Variants in MAPK10 observed in about 807,000 individuals in gnomAD.
The protein encoded by MAPK10 is mitogen-activated protein kinase 10.
MAPK10 carries 25 observed loss-of-function variants against 59.3 expected under a neutral mutation model. The ratio of observed to expected loss-of-function variants is 0.42; its 90% CI spans 0.31 to 0.59. The LOEUF is 0.59. Among genes scored for constraint, MAPK10 ranks in the 20% least tolerant of loss-of-function variants. The pLI, the probability that MAPK10 is intolerant of heterozygous loss-of-function variation, is 0.15. For synonymous variants in MAPK10, 190 were observed against 200.5 expected (o/e 0.95, Z 0.44); for missense variants, 351 against 568.9 (o/e 0.62, Z 3.90).
chr4:86,036,233 C>T (rs2040259699), intron 11 of MAPK10, among the ~76,000 whole-genome samples: 1 of 152,066 alleles, frequency 6.6e-6, no homozygotes, highest in African/African-American at 2.4e-5. Context: ...CTTTAAATTG[C>T]TATCACCCCC....
chr4:86,285,222 A>AT (rs2094954365), intron 2 of MAPK10, among the ~76,000 whole-genome samples: 1 of 149,788 alleles, frequency 6.7e-6, no homozygotes, highest in African/African-American at 2.5e-5. Context: ...TCTAAATGAC[A>AT]CTTTTTTTTT....
chr4:86,329,483 CATTGT>C (rs1273570064), intron 2 of MAPK10, among the ~76,000 whole-genome samples: 7 of 152,130 alleles, frequency 4.6e-5, no homozygotes, highest in Admixed American at 3.9e-4. Context: ...ATGCAGCCAT[CATTGT>C]ATTGTAAGAA....
chr4:86,052,633 AG>A (rs2043787351), intron 11 of MAPK10, among the ~76,000 whole-genome samples: 1 of 152,096 alleles, frequency 6.6e-6, no homozygotes, highest in Non-Finnish European at 1.5e-5. Flanking sequence ...CAGCATTCAT[AG>A]GGGTGCTATA....
At chr4:86,198,954 A>T (rs1174587774) in intron 2 of MAPK10, among the ~76,000 whole-genome samples, 1 of 151,976 alleles carries the variant, frequency 6.6e-6, no homozygotes, top group Non-Finnish European at 1.5e-5. Flanking sequence ...AGCACTCACA[A>T]ATATATGCGT....
intron 2 of MAPK10, among the ~76,000 whole-genome samples, chr4:86,353,748 T>C (rs1169799676): frequency 6.6e-6 from 1 of 152,170 alleles, no homozygotes; most frequent in Non-Finnish European, 1.5e-5. Flanking sequence ...GAAAGAAAGA[T>C]ATTGATCACT....
chr4:86,554,171 G>A (rs1760081954), intron 1 of MAPK10, among the ~76,000 whole-genome samples: 1 of 152,090 alleles, frequency 6.6e-6, no homozygotes, highest in South Asian at 2.1e-4. Context: ...TCAAAATGAG[G>A]CATGGGTTGA....
At chr4:86,079,249 T>C (rs1480896032) in intron 9 of MAPK10, among the ~76,000 whole-genome samples, 2 of 152,180 alleles carry the variant, frequency 1.3e-5, no homozygotes, top group Non-Finnish European at 2.9e-5. Context: ...ACATTGCTAG[T>C]GTTATAATAA....
chr4:86,401,402 C>T (rs972451259), intron 1 of MAPK10, among the ~76,000 whole-genome samples: 4 of 152,104 alleles, frequency 2.6e-5, no homozygotes, highest in Admixed American at 6.5e-5. Flanking sequence ...TTAGATTCTT[C>T]GCTTCCATTG....
chr4:86,294,938 CTAGA>C (rs2095319035), intron 2 of MAPK10, among the ~76,000 whole-genome samples: 1 of 152,118 alleles, frequency 6.6e-6, no homozygotes, highest in Non-Finnish European at 1.5e-5. Context: ...TCAAACCAGG[CTAGA>C]TAGAGTTTGT....
chr4:86,042,609 AGTT>A (rs1392432087), intron 11 of MAPK10, among the ~76,000 whole-genome samples: 3 of 152,180 alleles, frequency 2.0e-5, no homozygotes, highest in South Asian at 2.1e-4. Flanking sequence ...GCAAGCAAAA[AGTT>A]GTTATCAGCT....
chr4:86,561,184 G>A (rs1026547674), intron 1 of MAPK10, among the ~76,000 whole-genome samples: 8 of 152,158 alleles, frequency 5.3e-5, no homozygotes, highest in African/African-American at 1.9e-4. Flanking sequence ...CACTGCTGAT[G>A]TGACAGGAGG....
At chr4:86,039,216 G>A (rs2040971821) in intron 11 of MAPK10, among the ~76,000 whole-genome samples, 1 of 152,126 alleles carries the variant, frequency 6.6e-6, no homozygotes, top group Admixed American at 6.6e-5. Context: ...AAAAGTGAAG[G>A]AAACCAGGTG....
chr4:86,246,773 T>G (rs931818497), intron 2 of MAPK10, among the ~76,000 whole-genome samples: 1 of 152,166 alleles, frequency 6.6e-6, no homozygotes, highest in Admixed American at 6.5e-5. Context: ...ATGCAGGCAG[T>G]GGGACACTAG....
intron 12 of MAPK10, 74 bp downstream of exon 12, chr4:86,031,294 A>G: frequency 1.9e-6 from 2 of 1,063,122 alleles, no homozygotes; most frequent in Middle Eastern, 2.3e-4. Context: ...AAATTGTTTT[A>G]CAAGGAAAAG....
At chr4:86,416,422 G>A (rs946238953) in intron 1 of MAPK10, among the ~76,000 whole-genome samples, 4 of 152,230 alleles carry the variant, frequency 2.6e-5, no homozygotes, top group African/African-American at 9.6e-5. Context: ...ATGCATTAAT[G>A]CGTCTAGGGC....
intron 9 of MAPK10, among the ~76,000 whole-genome samples, chr4:86,089,974 T>C (rs1463777126): frequency 1.3e-5 from 2 of 152,148 alleles, no homozygotes; most frequent in African/African-American, 4.8e-5. Context: ...AAAGAGCTGA[T>C]ACTTCTTCTG....
intron 1 of MAPK10, among the ~76,000 whole-genome samples, chr4:86,426,209 G>A (rs1052651141): frequency 1.3e-5 from 2 of 151,988 alleles, no homozygotes; most frequent in Admixed American, 6.6e-5. Context: ...TGAATACAAC[G>A]CTAAAATTTT....
chr4:86,277,783 C>T (rs2094636874), intron 2 of MAPK10, among the ~76,000 whole-genome samples: 1 of 152,138 alleles, frequency 6.6e-6, no homozygotes, highest in Non-Finnish European at 1.5e-5. Context: ...CCTTTAGCCA[C>T]ATCTCCACTA....
At position 86,134,325 on chromosome 4, in the gene MAPK10, AT is replaced by A. The variant is rs1484115527; in HGVS notation, c.236+24972del. On this transcript the variant is annotated intron_variant, in intron 4 of 13. Transcript: ENST00000641462. ...TATTTTCAAGGAAACTAGAAGTGTG[AT>A]AACTACATTATATATTTATAGACCA... Among the ~76,000 whole-genome samples the A allele has an allele frequency of 3.3e-5, 5 of 152,320 alleles. No individual in the cohort carries two copies. The East Asian group carries it at 9.7e-4, about 29-fold the overall frequency.
Sources: allele counts gnomAD v4.1 joint callset (sites outside exome capture counted in the v4.1 genomes callset), GRCh38; gene constraint gnomAD v4.1.1; transcripts MANE v1.5; gene names NCBI Gene and HGNC (gene_info 2026-07-23, HGNC 2026-07-21).